The following TRAPPC2L variants were observed in gnomAD, a reference collection of about 807,000 sequenced individuals.
TRAPPC2L encodes the protein trafficking protein particle complex subunit 2L, also known as trafficking protein particle complex subunit 2-like protein.
In TRAPPC2L, 17 loss-of-function variants were observed where a neutral mutation model predicts 13.2. That is an observed-to-expected ratio of 1.29 (90% confidence interval 0.88 to 1.93). The LOEUF (loss-of-function observed/expected upper bound fraction) is 1.93, where lower values mean the gene tolerates loss of function less well. TRAPPC2L is among the 30% of genes most tolerant of loss of function. The probability of loss-of-function intolerance (pLI) is 0.00; values close to 1 mark genes in which losing one functional copy is unlikely to be tolerated. For missense variants in TRAPPC2L, 359 were observed against 252.1 expected (o/e 1.42, Z -2.87); for synonymous variants, 150 against 98.1 (o/e 1.53, Z -3.12).
chr16:88,858,272 G>C (rs1968114152), intron 1 of TRAPPC2L, among the ~76,000 whole-genome samples: 1 of 152,220 alleles, frequency 6.6e-6, no homozygotes, highest in Non-Finnish European at 1.5e-5. Flanking sequence ...GAGCCATGCA[G>C]AGTTAGAGGT....
chr16:88,858,075 C>T lies in TRAPPC2L; in HGVS notation c.34-544C>T, dbSNP rs77153517. Among the ~76,000 whole-genome samples the T allele has an allele frequency of 7.6e-3, 1,150 of 152,312 alleles. 6 individuals carry two copies. The highest frequency in any genetic ancestry group is 0.028 in the South Asian group (137 of 4,834). ...TCTTGTTCACTGTATTTGTGCAGGA[C>T]CCAGTGCTGAACACACACAGGGTAA... is the stretch of plus-strand genomic sequence containing the variant. On this transcript the variant is annotated intron_variant, in intron 1 of 3. Coordinates refer to ENST00000565504, the Ensembl canonical transcript of TRAPPC2L.
intron 1 of TRAPPC2L, among the ~76,000 whole-genome samples, chr16:88,857,784 C>T (rs995533063): frequency 2.0e-5 from 3 of 152,244 alleles, no homozygotes; most frequent in Admixed American, 2.0e-4. Flanking sequence ...CTCCCCAGCT[C>T]CCATCCTCTT....
At chr16:88,857,125 C>T (rs1240134573), upstream of TRAPPC2L, 5 of 1,548,388 alleles carry the variant, frequency 3.2e-6, 1 homozygote, top group South Asian at 1.2e-5. Context: ...TCACGTGACG[C>T]GGTGCCTGGC....
At chr16:88,858,646 C>G (rs1052547122) in exon 2 of TRAPPC2L, 1 of 1,613,344 alleles carries the variant, frequency 6.2e-7, no homozygotes, top group South Asian at 1.1e-5. Flanking sequence ...TCGCAGCACC[C>G]CTACGGAGAA....
chr16:88,857,096 C>CCGCGTGACCAGCGGCGGGT, upstream of TRAPPC2L: 1 of 1,547,712 alleles, frequency 6.5e-7, no homozygotes, highest in Non-Finnish European at 8.7e-7. Flanking sequence ...GCTTTGGAGG[C>CCGCGTGACCAGCGGCGGGT]CGCGTGACCA....
At chr16:88,861,477 C>T (rs771959956) in exon 4 of TRAPPC2L, 158 of 353,996 alleles carry the variant, frequency 4.5e-4, no homozygotes, top group Non-Finnish European at 6.9e-4. Context: ...GTCTGGATTC[C>T]GCCCGGCCTT....
upstream of TRAPPC2L, chr16:88,856,949 G>T: frequency 6.9e-7 from 1 of 1,443,176 alleles, no homozygotes; most frequent in South Asian, 1.4e-5. Context: ...CTTCCGGCTG[G>T]GCTGCGGGGC....
At chr16:88,859,780 G>A (rs758851368) in intron 3 of TRAPPC2L, 30 bp downstream of exon 3, 9 of 1,598,040 alleles carry the variant, frequency 5.6e-6, no homozygotes, top group Non-Finnish European at 7.7e-6. Context: ...GGCCACGCCC[G>A]AGTGGGTGTT....
At chr16:88,858,471 C>A in intron 1 of TRAPPC2L, 148 bp from the exon 2 acceptor site, 1 of 794,330 alleles carries the variant, frequency 1.3e-6, no homozygotes, top group Non-Finnish European at 2.0e-6. Flanking sequence ...GCAGTGCCCA[C>A]TGCGGCATAG....
intron 2 of TRAPPC2L, 141 bp from the exon 3 acceptor site, chr16:88,859,522 A>T: frequency 1.2e-6 from 1 of 840,006 alleles, no homozygotes; most frequent in Non-Finnish European, 2.1e-6. Context: ...GCTTGTACCC[A>T]GCACGGCCAC....
At chr16:88,857,509 T>A (rs943294452) in intron 1 of TRAPPC2L, 3 of 347,618 alleles carry the variant, frequency 8.6e-6, no homozygotes, top group African/African-American at 6.4e-5. Context: ...CGTTCTCCCG[T>A]CCAGCGCTGG....
At position 88,858,802 on chromosome 16, in the gene TRAPPC2L, G is replaced by C. The variant is rs1463470387; in HGVS notation, c.206+11G>C. 6.2e-7 allele frequency: 1 copy of C among 1,610,366 alleles called. No homozygotes were observed. The highest frequency in any genetic ancestry group is 8.5e-7 in the Non-Finnish European group (1 of 1,178,058). On this transcript the variant is annotated intron_variant, in intron 2 of 3. Transcript: ENST00000565504. ...GGAGGACTACAAGGTGTATCTTTCA[G>C]GGCAGGGTGTGTGTCAGGGAGGACC...
At chr16:88,857,421 T>C (rs72813576) in intron 1 of TRAPPC2L, 13,613 of 482,256 alleles carry the variant, frequency 0.028, 240 homozygotes, top group South Asian at 0.05. Context: ...GCAGCAGGTC[T>C]CCTCCCCGCC....
rs187928016 is a variant in TRAPPC2L at position 88,857,315 on chromosome 16, G to A, written c.33+132G>A. 99 of 848,510 alleles carry A rather than the reference G, an allele frequency of 1.2e-4. 1 individual carries two copies. The East Asian group carries it at 2.5e-3, about 21-fold the overall frequency. 52.6% of individuals were successfully genotyped at this position (848,510 alleles called of 1,614,324 possible). On this transcript the variant is annotated intron_variant, in intron 1 of 3. Coordinates refer to ENST00000565504, the Ensembl canonical transcript of TRAPPC2L. ...GAGGAGGCCTTCGCCGAGCTCCAGC[G>A]GTCAGGGGCTTCGCGGTGGACGAGC...
rs150365320 is a variant in TRAPPC2L, at chr16:88,858,199, G to A, written c.34-420G>A. Reference sequence around the variant, plus strand: ...GGGAATTTGAGCTGAGTCTTGAAGGGTTTAGTAAAAGGGTCACTGTCAAGG... The same window carrying A: ...GGGAATTTGAGCTGAGTCTTGAAGGATTTAGTAAAAGGGTCACTGTCAAGG... On this transcript the variant is annotated intron_variant, in intron 1 of 3. Transcript: ENST00000565504. Among the ~76,000 whole-genome samples the A allele has an allele frequency of 4.4e-4, 67 of 152,270 alleles. No individual in the cohort carries two copies. The East Asian group carries it at 9.8e-3, about 22-fold the overall frequency.
At chr16:88,859,134 CATTT>C in intron 2 of TRAPPC2L, 1 of 434,466 alleles carries the variant, frequency 2.3e-6, no homozygotes, top group Non-Finnish European at 4.3e-6. Flanking sequence ...ATAATAGTTT[CATTT>C]ATTTCATTAG....
rs762912591 is a variant in TRAPPC2L at position 88,860,937 on chromosome 16, C to T, written c.*613C>T. The T allele has an allele frequency of 5.6e-6, 9 of 1,593,782 alleles. No individual in the cohort carries two copies. The highest frequency in any genetic ancestry group is 1.7e-4 in the Middle Eastern group (1 of 6,034). ...AGGGCCTTTGATAACATGGTGACGT[C>T]GATGATGATACAGGTGTGCTGAGTG... On this transcript the variant is annotated 3_prime_UTR_variant, in exon 4 of 4. Coordinates refer to ENST00000565504, the Ensembl canonical transcript of TRAPPC2L.
exon 4 of TRAPPC2L, chr16:88,861,351 C>T (rs924470318): frequency 4.8e-5 from 17 of 355,858 alleles, no homozygotes; most frequent in African/African-American, 3.4e-4. Flanking sequence ...GGGGTGGCCT[C>T]CTGAGCCCAG....
exon 4 of TRAPPC2L, chr16:88,860,074 T>A: frequency 8.7e-7 from 1 of 1,149,686 alleles, no homozygotes; most frequent in Non-Finnish European, 1.3e-6. Flanking sequence ...GGAGGAAAGA[T>A]CTTTTTAAGC....
Sources: gnomAD v4.1 joint callset for allele counts (sites outside exome capture counted in the v4.1 genomes callset) on GRCh38, gnomAD v4.1.1 for gene constraint, MANE v1.5 for transcripts, NCBI Gene and HGNC (gene_info 2026-07-23, HGNC 2026-07-21) for gene names.